TANGO2: variants seen among roughly 807,000 people sequenced by gnomAD.
The protein encoded by TANGO2 is transport and Golgi organization protein 2 homolog.
A neutral mutation model predicts 39.1 loss-of-function variants in TANGO2; 26 were observed. The ratio of observed to expected loss-of-function variants is 0.67; its 90% CI spans 0.49 to 0.92. TANGO2 has a LOEUF of 0.92. Ranked by LOEUF, TANGO2 falls within the 40% of genes least tolerant of loss-of-function variation. The probability of loss-of-function intolerance (pLI) is 0.00; values close to 1 mark genes in which losing one functional copy is unlikely to be tolerated. For synonymous variants in TANGO2, 131 were observed against 144.5 expected (o/e 0.91, Z 0.67); for missense variants, 326 against 360.1 (o/e 0.91, Z 0.77).
upstream of TANGO2, chr22:20,017,191 AG>A (rs1256708595): frequency 2.6e-5 from 4 of 152,408 alleles, no homozygotes; most frequent in African/African-American, 9.6e-5. Context: ...CCCAGTTCAC[AG>A]GTATCCTTCT....
intron 3 of TANGO2, among the ~76,000 whole-genome samples, chr22:20,047,674 C>G (rs2147354957): frequency 6.6e-6 from 1 of 152,230 alleles, no homozygotes; most frequent in South Asian, 2.1e-4. Flanking sequence ...CCTGGTCCCC[C>G]CACTCCCTGG....
intron 1 of TANGO2, among the ~76,000 whole-genome samples, chr22:20,029,199 C>T (rs546489367): frequency 1.3e-5 from 2 of 152,334 alleles, no homozygotes; most frequent in South Asian, 4.1e-4. Flanking sequence ...GGCCTTAGGA[C>T]AGAAGGCCCT....
rs1002171778 is a variant in TANGO2 at position 20,053,979 on chromosome 22, G to A, written c.380+428G>A. On this transcript the variant is annotated intron_variant, in intron 5 of 8. Transcript: ENST00000327374. The stretch of plus-strand genomic sequence containing the variant: ...AGGTTTTGGTGTTTTGCCCTTCCGT[G>A]AAGTGAGCATTCCTCCCTCCTGCCC... 15 of 341,944 alleles carry A rather than the reference G, an allele frequency of 4.4e-5. No individual in the cohort carries two copies. The Admixed American group carries it at 5.3e-4, about 12-fold the overall frequency. The allele number at this position is 341,944 out of a possible 1,614,324, so 21.2% of individuals were successfully genotyped here.
intron 5 of TANGO2, 99 bp downstream of exon 5, chr22:20,053,650 G>C: frequency 1.3e-6 from 1 of 786,486 alleles, no homozygotes; most frequent in Non-Finnish European, 2.2e-6. Context: ...GGCTGTGGCA[G>C]CCTCTCCAGG....
intron 3 of TANGO2, among the ~76,000 whole-genome samples, chr22:20,046,401 G>A (rs575011898): frequency 3.2e-4 from 48 of 151,738 alleles, no homozygotes; most frequent in Non-Finnish European, 5.9e-4. Flanking sequence ...TCCTTTCTTG[G>A]CCTCCGAAAG....
chr22:20,032,175 C>T (rs113483434), intron 1 of TANGO2, among the ~76,000 whole-genome samples: 15 of 152,378 alleles, frequency 9.8e-5, no homozygotes, highest in African/African-American at 2.6e-4. Flanking sequence ...GGTTTTGCGT[C>T]ACCTGCCCCA....
chr22:20,050,953 G>GTA (rs2046231960), intron 3 of TANGO2, among the ~76,000 whole-genome samples: 1 of 148,566 alleles, frequency 6.7e-6, no homozygotes, highest in Admixed American at 6.7e-5. Context: ...TCAGCCCCCC[G>GTA]AGTAGCTGGG....
chr22:20,017,414 C>T (rs2531717), upstream of TANGO2, among the ~76,000 whole-genome samples: 4 of 152,052 alleles, frequency 2.6e-5, no homozygotes, highest in East Asian at 2.0e-4. Flanking sequence ...GTCCCCGCAG[C>T]GGGGAGACGA....
intron 2 of TANGO2, among the ~76,000 whole-genome samples, chr22:20,040,919 C>T (rs918760751): frequency 7.9e-5 from 12 of 152,316 alleles, no homozygotes; most frequent in African/African-American, 2.6e-4. Context: ...CTGGTGCAGC[C>T]CTGGGGCCAG....
intron 2 of TANGO2, among the ~76,000 whole-genome samples, chr22:20,039,095 G>A (rs1320084062): frequency 1.6e-5 from 2 of 128,668 alleles, no homozygotes; most frequent in African/African-American, 2.7e-5. Flanking sequence ...CACCATGCCC[G>A]GCTAATTTTT....
intron 5 of TANGO2, chr22:20,053,832 G>A (rs1011389969): frequency 2.5e-5 from 12 of 477,682 alleles, no homozygotes; most frequent in South Asian, 4.9e-5. Context: ...GGCTCTGGCC[G>A]GGTGTCCTCC....
At chr22:20,061,354 G>A (rs2048347830) in intron 6 of TANGO2, 176 bp from the exon 7 acceptor site, 3 of 663,426 alleles carry the variant, frequency 4.5e-6, no homozygotes, top group Non-Finnish European at 4.8e-6. Flanking sequence ...TCCTTGCCAT[G>A]CCATCAGGTC....
At chr22:20,027,409 C>T (rs2040979311) in intron 1 of TANGO2, among the ~76,000 whole-genome samples, 1 of 152,162 alleles carries the variant, frequency 6.6e-6, no homozygotes, top group African/African-American at 2.4e-5. Flanking sequence ...AGCTGAGAGG[C>T]AGAGCAGCGG....
At chr22:20,064,041 GGAGGA>G (rs1043223916) in intron 8 of TANGO2, among the ~76,000 whole-genome samples, 62 of 152,228 alleles carry the variant, frequency 4.1e-4, no homozygotes, top group African/African-American at 1.4e-3. Context: ...AGAGAGGGTT[GGAGGA>G]GAGGAGAGTG....
At chr22:20,025,677 A>C (rs1020574167) in intron 1 of TANGO2, among the ~76,000 whole-genome samples, 12 of 151,802 alleles carry the variant, frequency 7.9e-5, no homozygotes, top group African/African-American at 2.7e-4. Context: ...TCTGGCTGAG[A>C]CCTCCCTGCT....
Position 20,066,855 on chromosome 22 carries a change from G to A in TANGO2, c.*2193G>A, listed in dbSNP as rs867450485. ...CCCAGAGACCCGGCCTGCCCAGGAA[G>A]AGCAGTCTCTGCTCTTGTGTGGGTC... On this transcript the variant is annotated 3_prime_UTR_variant, in exon 9 of 9. Transcript: ENST00000327374. 6.6e-6 allele frequency among the ~76,000 whole-genome samples: 1 copy of A among 152,104 alleles called. No homozygotes were observed. The highest frequency in any genetic ancestry group is 1.9e-4 in the East Asian group (1 of 5,192).
At chr22:20,056,219 GCTTT>G in intron 6 of TANGO2, 1 of 695,066 alleles carries the variant, frequency 1.4e-6, no homozygotes, top group Non-Finnish European at 2.6e-6. Context: ...CTCCCCATGG[GCTTT>G]TCCTGCTGAG....
At chr22:20,033,261 GC>G (rs1569249698) in intron 1 of TANGO2, 5 of 522,984 alleles carry the variant, frequency 9.6e-6, no homozygotes, top group South Asian at 5.7e-5. Context: ...TTGGCTCTGC[GC>G]CCACACCTCC....
At chr22:20,024,597 GC>G (rs2040374570) in intron 1 of TANGO2, among the ~76,000 whole-genome samples, 1 of 152,192 alleles carries the variant, frequency 6.6e-6, no homozygotes, top group African/African-American at 2.4e-5. Context: ...TTAAATGGGG[GC>G]AGCAGACTGT....
Sources: gnomAD v4.1 joint callset for allele counts (sites outside exome capture counted in the v4.1 genomes callset) on GRCh38, gnomAD v4.1.1 for gene constraint, MANE v1.5 for transcripts, NCBI Gene and HGNC (gene_info 2026-07-23, HGNC 2026-07-21) for gene names.